ADAM12: variants seen among roughly 807,000 people sequenced by gnomAD.
ADAM12 encodes ADAM metallopeptidase domain 12.
In ADAM12, 70 loss-of-function variants were observed where a neutral mutation model predicts 106.4. The ratio of observed to expected loss-of-function variants is 0.66; its 90% CI spans 0.54 to 0.80. The LOEUF (loss-of-function observed/expected upper bound fraction) is 0.80, where lower values mean the gene tolerates loss of function less well. ADAM12 is among the 30% of genes least tolerant of loss of function. ADAM12 has a pLI of 0.00. For missense variants in ADAM12, 1,010 were observed against 1,171.9 expected (o/e 0.86, Z 2.02); for synonymous variants, 420 against 433.5 (o/e 0.97, Z 0.39).
At chr10:126,333,546 G>C (rs766148154) in intron 1 of ADAM12, among the ~76,000 whole-genome samples, 4 of 152,214 alleles carry the variant, frequency 2.6e-5, no homozygotes, top group Non-Finnish European at 5.9e-5. Context: ...GAGGGGTGTA[G>C]GGGAGGCAGC....
chr10:126,155,404 CTTTT>C, intron 3 of ADAM12, 99 bp from the exon 4 acceptor site: 1 of 807,492 alleles, frequency 1.2e-6, no homozygotes. Flanking sequence ...TTGTGACCTC[CTTTT>C]TTTTTTTTTA....
At chr10:126,196,083 G>T (rs569254028) in intron 3 of ADAM12, among the ~76,000 whole-genome samples, 1 of 152,346 alleles carries the variant, frequency 6.6e-6, no homozygotes, top group Non-Finnish European at 1.5e-5. Context: ...TGGGGTAACT[G>T]CAACAGAGAC....
chr10:126,235,957 C>T (rs933782735), intron 3 of ADAM12, among the ~76,000 whole-genome samples: 1 of 151,862 alleles, frequency 6.6e-6, no homozygotes, highest in African/African-American at 2.4e-5. Flanking sequence ...GACCAAGGGG[C>T]TGGGGGAGCA....
intron 2 of ADAM12, 22 bp from the exon 3 acceptor site, chr10:126,279,010 T>A: frequency 6.3e-7 from 1 of 1,598,474 alleles, no homozygotes; most frequent in Non-Finnish European, 8.6e-7. Flanking sequence ...ACAACAAAAG[T>A]CAGTTGAAAA....
At chr10:126,133,087 C>T (rs61863386) in intron 5 of ADAM12, among the ~76,000 whole-genome samples, 24,737 of 152,134 alleles carry the variant, frequency 0.16, 2,381 homozygotes, top group South Asian at 0.28. Context: ...CCTCTTACCT[C>T]CTTCCCCTAG....
chr10:126,111,567 G>C (rs1268787554), intron 6 of ADAM12, among the ~76,000 whole-genome samples: 3 of 151,750 alleles, frequency 2.0e-5, no homozygotes, highest in East Asian at 3.9e-4. Flanking sequence ...GAATCTGGTT[G>C]TTTAGACGTT....
intron 3 of ADAM12, among the ~76,000 whole-genome samples, chr10:126,165,247 G>T (rs778360835): frequency 6.6e-6 from 1 of 151,990 alleles, no homozygotes; most frequent in Non-Finnish European, 1.5e-5. Context: ...GGCTCACTGC[G>T]ACATCTACCT....
intron 2 of ADAM12, among the ~76,000 whole-genome samples, chr10:126,302,521 C>T (rs1449316462): frequency 6.6e-6 from 1 of 152,176 alleles, no homozygotes; most frequent in Non-Finnish European, 1.5e-5. Flanking sequence ...GGGAAGATTT[C>T]ACCCCTTTCG....
At chr10:126,179,915 A>G (rs1320020684) in intron 3 of ADAM12, among the ~76,000 whole-genome samples, 1 of 152,172 alleles carries the variant, frequency 6.6e-6, no homozygotes, top group Non-Finnish European at 1.5e-5. Context: ...ACCGCACACC[A>G]ATGCTTCTCC....
chr10:126,256,107 T>G (rs7086910), intron 3 of ADAM12, among the ~76,000 whole-genome samples: 139,879 of 152,118 alleles, frequency 0.92, 65,386 homozygotes, highest in Non-Finnish European at 1. Flanking sequence ...GAAAAATACT[T>G]ATGTCCAGGT....
At chr10:126,257,398 A>G (rs4962329) in intron 3 of ADAM12, among the ~76,000 whole-genome samples, 48,619 of 152,092 alleles carry the variant, frequency 0.32, 8,050 homozygotes, top group South Asian at 0.47. Flanking sequence ...GAATGCAGGA[A>G]TTGCACTGAG....
chr10:126,319,632 G>A (rs1854027543), intron 2 of ADAM12, among the ~76,000 whole-genome samples: 1 of 152,120 alleles, frequency 6.6e-6, no homozygotes, highest in African/African-American at 2.4e-5. Flanking sequence ...TATAATGTGA[G>A]GTCCCAGATG....
intron 11 of ADAM12, among the ~76,000 whole-genome samples, chr10:126,075,943 CT>C (rs1415635258): frequency 6.6e-6 from 1 of 152,154 alleles, no homozygotes; most frequent in Non-Finnish European, 1.5e-5. Context: ...ATAATTTCAA[CT>C]TTTATTAGCA....
At chr10:126,105,671 GACAA>G (rs750551356) in intron 8 of ADAM12, among the ~76,000 whole-genome samples, 2 of 152,322 alleles carry the variant, frequency 1.3e-5, no homozygotes, top group African/African-American at 4.8e-5. Flanking sequence ...TAAACAAATA[GACAA>G]ACAAACTCCC....
rs375372042 is a variant in ADAM12, at chr10:126,186,079, C to T, written c.261-30774G>A. Among the ~76,000 whole-genome samples the T allele has an allele frequency of 2.9e-4, 44 of 152,296 alleles. 1 individual carries two copies. In the East Asian group the frequency reaches 7.7e-3, roughly 27 times the overall value. ...ACTAAGAGAGGGGACTGTGCCTGTC[C>T]TGTGTCCCCAAGGGTTGTGGCAAGG... On this transcript the variant is annotated intron_variant, in intron 3 of 22. Transcript: ENST00000448723.
intron 3 of ADAM12, among the ~76,000 whole-genome samples, chr10:126,204,394 T>C (rs894466017): frequency 2.0e-5 from 3 of 152,190 alleles, no homozygotes; most frequent in Non-Finnish European, 4.4e-5. Flanking sequence ...AGGATGCAGG[T>C]GCTGTCAGCT....
chr10:126,063,517 C>G (rs1482444358), intron 14 of ADAM12, among the ~76,000 whole-genome samples: 1 of 152,224 alleles, frequency 6.6e-6, no homozygotes, highest in Non-Finnish European at 1.5e-5. Flanking sequence ...TGACAAAGGT[C>G]CTATCAGGTT....
At chr10:126,141,836 G>A (rs1291821656) in intron 4 of ADAM12, among the ~76,000 whole-genome samples, 1 of 152,120 alleles carries the variant, frequency 6.6e-6, no homozygotes, top group Non-Finnish European at 1.5e-5. Flanking sequence ...AAATTTGTAG[G>A]GTCTTCCCAG....
intron 2 of ADAM12, among the ~76,000 whole-genome samples, chr10:126,305,368 G>A (rs1051120203): frequency 2.0e-5 from 3 of 151,964 alleles, no homozygotes; most frequent in African/African-American, 4.8e-5. Flanking sequence ...ACACAAAAGA[G>A]TACAATCACA....
Sources: gnomAD v4.1 joint callset for allele counts (sites outside exome capture counted in the v4.1 genomes callset) on GRCh38, gnomAD v4.1.1 for gene constraint, MANE v1.5 for transcripts, NCBI Gene and HGNC (gene_info 2026-07-23, HGNC 2026-07-21) for gene names.